The following DPYD variants were observed in gnomAD, a reference collection of about 807,000 sequenced individuals.
The protein encoded by DPYD is dihydropyrimidine dehydrogenase, also known as dihydropyrimidine dehydrogenase [NADP(+)].
In DPYD, 109 loss-of-function variants were observed where a neutral mutation model predicts 116.2. The ratio of observed to expected loss-of-function variants is 0.94; its 90% CI spans 0.80 to 1.10. The LOEUF is 1.10. Ranked by LOEUF, DPYD falls within the 50% of genes least tolerant of loss-of-function variation. The pLI is 0.00. For missense variants in DPYD, 1,302 were observed against 1,254.5 expected (o/e 1.04, Z -0.57); for synonymous variants, 440 against 432.0 (o/e 1.02, Z -0.23).
rs936270759 is a variant in DPYD at position 97,091,108 on chromosome 1, C to A, written c.2766+7381G>T. On this transcript the variant is annotated intron_variant, in intron 21 of 22. Transcript: ENST00000370192. ...GTAGATCAGAAACTTGAATGCATGA[C>A]TGAAAAACTTGTTCAGACAAGAGGG... Among the ~76,000 whole-genome samples, 6 of 152,102 alleles carry A rather than the reference C, an allele frequency of 3.9e-5. No homozygotes were observed. The East Asian group carries it at 1.2e-3, about 29-fold the overall frequency.
At chr1:97,240,955 T>C (rs1015048441) in intron 18 of DPYD, among the ~76,000 whole-genome samples, 5 of 151,996 alleles carry the variant, frequency 3.3e-5, no homozygotes, top group Non-Finnish European at 5.9e-5. Context: ...ACTGAAGTAC[T>C]AAAAGGATCT....
In DPYD at chr1:97,265,951, T is replaced by C. The variant is rs570106515; in HGVS notation, c.2300-30957A>G. Among the ~76,000 whole-genome samples the C allele has an allele frequency of 2.6e-4, 40 of 152,318 alleles. No individual in the cohort carries two copies. In the South Asian group the frequency reaches 4.1e-3, roughly 16 times the overall value. ...AATTAAACTTTCTATATGAGATGCA[T>C]TCTACAGCATTTTAATTGGTAAATA... On this transcript the variant is annotated intron_variant, in intron 18 of 22. Transcript: ENST00000370192.
intron 18 of DPYD, among the ~76,000 whole-genome samples, chr1:97,254,490 C>A (rs1046944762): frequency 6.6e-6 from 1 of 151,860 alleles, no homozygotes; most frequent in Non-Finnish European, 1.5e-5. Flanking sequence ...GGAGTGATGT[C>A]CAATCACCTT....
chr1:97,643,575 C>G lies in DPYD; in HGVS notation c.850+35520G>C, dbSNP rs532289342. ...GGAAATACCATTTGACCCAGCAATC[C>G]CATTACTGGGTATATACCCAAAGGA... On this transcript the variant is annotated intron_variant, in intron 8 of 22. Transcript: ENST00000370192. Among the ~76,000 whole-genome samples the G allele has an allele frequency of 4.0e-3, 614 of 152,206 alleles. 3 individuals carry two copies. The highest frequency in any genetic ancestry group is 6.8e-3 in the Non-Finnish European group (465 of 68,002).
chr1:97,442,176 C>CT (rs1429346259), intron 14 of DPYD, among the ~76,000 whole-genome samples: 2 of 151,974 alleles, frequency 1.3e-5, no homozygotes, highest in Non-Finnish European at 2.9e-5. Context: ...GCTTTCTGTA[C>CT]TTTATCTTGT....
chr1:97,620,943 G>T (rs1656598297), intron 8 of DPYD, among the ~76,000 whole-genome samples: 1 of 151,992 alleles, frequency 6.6e-6, no homozygotes, highest in Non-Finnish European at 1.5e-5. Context: ...AAATAAAAAA[G>T]TTTAGCATTT....
chr1:97,378,580 C>T (rs55844132), intron 15 of DPYD, among the ~76,000 whole-genome samples: 11,169 of 152,196 alleles, frequency 0.073, 500 homozygotes, highest in African/African-American at 0.12. Flanking sequence ...ATCATCATCA[C>T]TGGATTTTAA....
At chr1:97,657,882 G>C (rs1470453081) in intron 8 of DPYD, among the ~76,000 whole-genome samples, 1 of 152,116 alleles carries the variant, frequency 6.6e-6, no homozygotes, top group African/African-American at 2.4e-5. Context: ...CCACAGATTT[G>C]CTAATTAGAA....
intron 13 of DPYD, among the ~76,000 whole-genome samples, chr1:97,491,953 A>G (rs1344497331): frequency 6.6e-6 from 1 of 152,072 alleles, no homozygotes; most frequent in Non-Finnish European, 1.5e-5. Flanking sequence ...CTTATTATGG[A>G]TACATCTCAT....
intron 16 of DPYD, among the ~76,000 whole-genome samples, chr1:97,327,667 A>G (rs568302966): frequency 1.3e-5 from 2 of 152,030 alleles, no homozygotes; most frequent in African/African-American, 4.8e-5. Context: ...TGCATTCCCT[A>G]TGTCACTAAG....
chr1:97,397,326 T>C (rs1383483383), intron 14 of DPYD, among the ~76,000 whole-genome samples: 2 of 152,046 alleles, frequency 1.3e-5, no homozygotes, highest in Admixed American at 6.6e-5. Context: ...GATATATATA[T>C]GGTATGTCTT....
At chr1:97,805,851 C>T (rs981327990) in intron 3 of DPYD, among the ~76,000 whole-genome samples, 1 of 151,760 alleles carries the variant, frequency 6.6e-6, no homozygotes, top group African/African-American at 2.4e-5. Flanking sequence ...TGGACACATA[C>T]TGAATTCAAG....
rs72732365 is a variant in DPYD at position 97,599,451 on chromosome 1, C to T, written c.851-4285G>A. On this transcript the variant is annotated intron_variant, in intron 8 of 22. Transcript: ENST00000370192. ...AAAAAAAAAAGCTTTTAAGGCTTTGCTTTCATAGCTATGGTAGGGCATGTT... is the reference window on the plus strand; with the variant it reads ...AAAAAAAAAAGCTTTTAAGGCTTTGTTTTCATAGCTATGGTAGGGCATGTT... Among the ~76,000 whole-genome samples, 702 of 152,056 alleles carry T rather than the reference C, an allele frequency of 4.6e-3. 10 individuals carry two copies. Among genetic ancestry groups the T allele is most frequent in the African/African-American group, 0.016 (656 of 41,490 alleles).
chr1:97,493,308 G>C (rs925750062), intron 13 of DPYD, among the ~76,000 whole-genome samples: 1 of 152,130 alleles, frequency 6.6e-6, no homozygotes, highest in African/African-American at 2.4e-5. Context: ...TCGTACTAAC[G>C]GTTTTCATAT....
At chr1:97,463,787 G>A (rs1218429238) in intron 13 of DPYD, among the ~76,000 whole-genome samples, 3 of 152,170 alleles carry the variant, frequency 2.0e-5, no homozygotes, top group African/African-American at 4.8e-5. Flanking sequence ...GCAGCATTTT[G>A]CCCCTGCCCT....
intron 8 of DPYD, among the ~76,000 whole-genome samples, chr1:97,626,845 T>A (rs1485910851): frequency 6.6e-6 from 1 of 152,022 alleles, no homozygotes; most frequent in Non-Finnish European, 1.5e-5. Context: ...ATATTAGTAG[T>A]CTTTCTTTCT....
chr1:97,585,056 A>G (rs531778248), intron 10 of DPYD, among the ~76,000 whole-genome samples: 243 of 152,046 alleles, frequency 1.6e-3, no homozygotes, highest in Non-Finnish European at 2.6e-3. Flanking sequence ...TATATTTTGA[A>G]AATTTCATAT....
intron 1 of DPYD, among the ~76,000 whole-genome samples, chr1:97,888,485 T>G (rs775373124): frequency 1.1e-4 from 16 of 151,678 alleles, no homozygotes; most frequent in Non-Finnish European, 2.1e-4. Context: ...ATTTTTTTTT[T>G]AATAAAGTAG....
chr1:97,768,585 A>C (rs1340689700), intron 3 of DPYD, among the ~76,000 whole-genome samples: 1 of 152,138 alleles, frequency 6.6e-6, no homozygotes, highest in Non-Finnish European at 1.5e-5. Context: ...TTTTCTTTGT[A>C]ATTTAGATAG....
Sources: allele counts gnomAD v4.1 joint callset (sites outside exome capture counted in the v4.1 genomes callset), GRCh38; gene constraint gnomAD v4.1.1; transcripts MANE v1.5; gene names NCBI Gene and HGNC (gene_info 2026-07-23, HGNC 2026-07-21).